LARP1B: variants seen among roughly 807,000 people sequenced by gnomAD.
LARP1B encodes the protein La ribonucleoprotein 1B.
A neutral mutation model predicts 114.2 loss-of-function variants in LARP1B; 76 were observed. The observed-to-expected ratio is 0.67, with a 90% CI of 0.55 to 0.81. The LOEUF (loss-of-function observed/expected upper bound fraction) is 0.81, where lower values mean the gene tolerates loss of function less well. Among genes scored for constraint, LARP1B ranks in the 30% least tolerant of loss-of-function variants. The probability of loss-of-function intolerance (pLI) is 0.00; values close to 1 mark genes in which losing one functional copy is unlikely to be tolerated. For synonymous variants in LARP1B, 345 were observed against 348.0 expected, an observed-to-expected ratio of 0.99 and a Z score of 0.10; for missense variants, 1,014 against 1,075.8, an observed-to-expected ratio of 0.94 and a Z score of 0.80.
At chr4:128,065,920 A>G (rs957011344) in intron 1 of LARP1B, among the ~76,000 whole-genome samples, 2 of 152,038 alleles carry the variant, frequency 1.3e-5, no homozygotes, top group African/African-American at 4.8e-5. Flanking sequence ...GACTCAAGCA[A>G]TTCCCCTGCC....
chr4:128,188,543 T>A (rs569634116), intron 15 of LARP1B, among the ~76,000 whole-genome samples: 7 of 152,332 alleles, frequency 4.6e-5, no homozygotes, highest in South Asian at 2.1e-4. Flanking sequence ...TTCTTTCTAC[T>A]AATTTTGGGT....
At position 128,108,751 on chromosome 4, in the gene LARP1B, G is replaced by C. The variant is rs531000879; in HGVS notation, c.988+1438G>C. On this transcript the variant is annotated intron_variant, in intron 9 of 19. Coordinates refer to ENST00000326639, the MANE Select transcript of LARP1B (RefSeq NM_018078.4). ...GGGTCCAAGATGATAGTTTTAGCTA[G>C]CTTATGAACATTGGGTTCACAAGGC... The C allele has an allele frequency of 7.1e-5, 70 of 985,212 alleles. No homozygotes were observed. The African/African-American group carries it at 1.2e-3, about 16-fold the overall frequency. 61.0% of individuals were successfully genotyped at this position (985,212 alleles called of 1,614,324 possible). A position where few individuals can be genotyped will look rare whatever the true frequency, so the allele number is the denominator to read the frequency against.
At chr4:128,206,262 A>G (rs1158818110) in intron 17 of LARP1B, among the ~76,000 whole-genome samples, 166 bp from the exon 18 acceptor site, 5 of 152,240 alleles carry the variant, frequency 3.3e-5, no homozygotes, top group Non-Finnish European at 5.9e-5. Context: ...ATTGCACTCC[A>G]GCCTGAGCAA....
At chr4:128,188,795 G>T (rs1751228616) in intron 15 of LARP1B, among the ~76,000 whole-genome samples, 1 of 152,112 alleles carries the variant, frequency 6.6e-6, no homozygotes. Flanking sequence ...TTCCACGTTT[G>T]TGTAGATTCC....
intron 6 of LARP1B, 54 bp downstream of exon 6, chr4:128,091,198 C>T: frequency 1.3e-6 from 2 of 1,583,356 alleles, no homozygotes; most frequent in South Asian, 1.2e-5. Flanking sequence ...AAAAATAGAG[C>T]AACTATCCTC....
chr4:128,214,357 GACAA>G (rs1163848027), downstream of LARP1B, among the ~76,000 whole-genome samples: 34 of 148,280 alleles, frequency 2.3e-4, no homozygotes, highest in East Asian at 1.4e-3. Flanking sequence ...GCAGGGCACA[GACAA>G]ACAAAAAGAC....
Position 128,112,949 on chromosome 4 carries a change from A to G in LARP1B, c.989-1621A>G, listed in dbSNP as rs939668681. 3.9e-5 allele frequency among the ~76,000 whole-genome samples: 6 copies of G among 152,338 alleles called. No individual in the cohort carries two copies. The South Asian group carries it at 1.2e-3, about 32-fold the overall frequency. ...CTCATCTATGTCTAGCATGTAGATG[A>G]ATGTAAAATCTTGAAATACTCTTCT... On this transcript the variant is annotated intron_variant, in intron 9 of 19. Transcript: ENST00000326639.
chr4:128,096,079 C>T (rs866848559), intron 7 of LARP1B, among the ~76,000 whole-genome samples: 3 of 151,296 alleles, frequency 2.0e-5, no homozygotes, highest in African/African-American at 4.9e-5. Flanking sequence ...CTGCAAGCTC[C>T]GCCTCCCGGG....
At chr4:128,096,709 T>C (rs1345043143) in intron 7 of LARP1B, among the ~76,000 whole-genome samples, 1 of 151,908 alleles carries the variant, frequency 6.6e-6, no homozygotes, top group Non-Finnish European at 1.5e-5. Flanking sequence ...CACGCCATTC[T>C]CCTGCCTCAA....
chr4:128,122,129 T>C lies in LARP1B; in HGVS notation c.1465T>C (p.Tyr489His). Residue 489 changes from tyrosine to histidine, a missense_variant, in exon 11 of 20, where the codon TAC (tyrosine) becomes CAC (histidine). Coordinates refer to ENST00000326639, the MANE Select transcript of LARP1B (RefSeq NM_018078.4). ...TGCTAAAGTTATCAATGATGGCTTATACTATTATGAACAGGATCTATGGAT... is the reference window on the plus strand; with the variant it reads ...TGCTAAAGTTATCAATGATGGCTTACACTATTATGAACAGGATCTATGGAT... ...ELAKVINDGLYYYEQDLWMEE... is the reference protein window; with the variant it reads ...ELAKVINDGLHYYEQDLWMEE... The C allele has an allele frequency of 6.2e-7, 1 of 1,614,064 alleles. No homozygotes were observed. Among genetic ancestry groups the C allele is most frequent in the Middle Eastern group, 1.7e-4 (1 of 6,058 alleles).
Position 128,074,940 on chromosome 4 carries a change from G to A in LARP1B, c.-12G>A, listed in dbSNP as rs754502789. 2 of 1,603,436 alleles carry A rather than the reference G, an allele frequency of 1.2e-6. No individual in the cohort carries two copies. Among genetic ancestry groups the A allele is most frequent in the Non-Finnish European group, 1.7e-6 (2 of 1,171,162 alleles). On this transcript the variant is annotated 5_prime_UTR_variant, in exon 3 of 20. Coordinates refer to ENST00000326639, the MANE Select transcript of LARP1B (RefSeq NM_018078.4). The stretch of plus-strand genomic sequence containing the variant: ...CTTATTTGTTACTTCTTAGGCTAGT[G>A]ATTTCAGTGATATGGAGAATTGGCC...
intron 11 of LARP1B, among the ~76,000 whole-genome samples, chr4:128,160,543 T>A (rs554581955): frequency 1.3e-5 from 2 of 152,182 alleles, no homozygotes; most frequent in African/African-American, 2.4e-5. Context: ...TGTGTGTGTA[T>A]GTTATACATT....
At chr4:128,209,759 CAT>C in intron 19 of LARP1B, 95 bp from the exon 20 acceptor site, 1 of 909,500 alleles carries the variant, frequency 1.1e-6, no homozygotes. Flanking sequence ...CTGAAGTGTC[CAT>C]TTAACTTACT....
chr4:128,109,064 T>G (rs545677142), intron 9 of LARP1B, among the ~76,000 whole-genome samples: 26 of 152,068 alleles, frequency 1.7e-4, no homozygotes, highest in Middle Eastern at 3.4e-3. Flanking sequence ...AGATGGAGGG[T>G]TCTTAGAATT....
chr4:128,220,111 C>G (rs1383644077), intron 6 of LARP1B, among the ~76,000 whole-genome samples: 1 of 152,054 alleles, frequency 6.6e-6, no homozygotes, highest in East Asian at 1.9e-4. Context: ...TCTCAAACTC[C>G]CGACCTCAGG....
At chr4:128,090,404 G>A (rs571119855) in intron 5 of LARP1B, among the ~76,000 whole-genome samples, 17 of 152,186 alleles carry the variant, frequency 1.1e-4, no homozygotes, top group African/African-American at 3.4e-4. Flanking sequence ...GGTAGGCACC[G>A]TTTTCTGTAT....
intron 19 of LARP1B, among the ~76,000 whole-genome samples, chr4:128,208,005 A>G (rs1239506222): frequency 6.6e-6 from 1 of 152,224 alleles, no homozygotes; most frequent in Non-Finnish European, 1.5e-5. Context: ...AAGAAGATAG[A>G]GGAAAAGGAG....
intron 1 of LARP1B, among the ~76,000 whole-genome samples, chr4:128,065,628 GT>G (rs1184529495): frequency 3.3e-5 from 5 of 151,912 alleles, no homozygotes; most frequent in African/African-American, 1.2e-4. Flanking sequence ...AGAGACTTGG[GT>G]TCTAGTGCAG....
rs925662804 is a variant in LARP1B at position 128,107,772 on chromosome 4, T to A, written c.988+459T>A. ...TCTAAATTAGAATTGGGGTTCTGTT[T>A]AATTTGGTTGTGTTTAGAATTTCCA... On this transcript the variant is annotated intron_variant, in intron 9 of 19. Coordinates refer to ENST00000326639, the MANE Select transcript of LARP1B (RefSeq NM_018078.4). 3.3e-6 allele frequency: 5 copies of A among 1,515,904 alleles called. No homozygotes were observed. In the African/African-American group the frequency reaches 5.5e-5, roughly 17 times the overall value. The allele number at this position is 1,515,904 out of a possible 1,614,324, so 93.9% of individuals were successfully genotyped here. A position where few individuals can be genotyped will look rare whatever the true frequency, so the allele number is the denominator to read the frequency against.
Sources: allele counts gnomAD v4.1 joint callset (sites outside exome capture counted in the v4.1 genomes callset), GRCh38; gene constraint gnomAD v4.1.1; transcripts MANE v1.5; gene names NCBI Gene and HGNC (gene_info 2026-07-23, HGNC 2026-07-21).